SKIC2: variants seen among roughly 807,000 people sequenced by gnomAD.
The protein encoded by SKIC2 is SKI2 subunit of superkiller complex.
At chr6:31,967,518 C>T in the SKIC2 span, 1 of 798,016 alleles carries the variant, frequency 1.3e-6, no homozygotes, top group Non-Finnish European at 2.1e-6. The surrounding 1 kb of genome is among the most constrained non-coding windows in gnomAD (Gnocchi z 4.9). Context: ...CTCTCCCTTC[C>T]CATCACCACA....
chr6:31,962,619 G>A, the SKIC2 span: 4 of 1,609,588 alleles, frequency 2.5e-6, no homozygotes, highest in Non-Finnish European at 3.4e-6. The surrounding 1 kb of genome is among the most constrained non-coding windows in gnomAD (Gnocchi z 5.0). Context: ...GGGGAGTTTT[G>A]GCTGGGAAGA....
the SKIC2 span, chr6:31,961,702 C>G: frequency 6.2e-7 from 1 of 1,603,852 alleles, no homozygotes; most frequent in Non-Finnish European, 8.5e-7. Flanking sequence ...TTCACACGCT[C>G]CTCTACCTCT....
the SKIC2 span, chr6:31,964,038 C>T: frequency 6.2e-7 from 1 of 1,612,724 alleles, no homozygotes; most frequent in East Asian, 2.2e-5. The surrounding 1 kb of genome is among the most constrained non-coding windows in gnomAD (Gnocchi z 5.0). Context: ...CCCTTGACCT[C>T]ACCACCAGTT....
chr6:31,965,275 G>A, the SKIC2 span, among the ~76,000 whole-genome samples: 1 of 152,202 alleles, frequency 6.6e-6, no homozygotes, highest in Non-Finnish European at 1.5e-5. This position sits in a 1 kb window ranked among gnomAD's most constrained non-coding sequence, Gnocchi z 5.6. Flanking sequence ...GGTAGTACCA[G>A]GGTGCCCTTC....
At chr6:31,962,457 C>T in the SKIC2 span, 4 of 1,614,142 alleles carry the variant, frequency 2.5e-6, no homozygotes, top group Non-Finnish European at 8.5e-7. This position sits in a 1 kb window ranked among gnomAD's most constrained non-coding sequence, Gnocchi z 5.0. Context: ...ACACTTCGCC[C>T]ATCAAGGCCC....
the SKIC2 span, chr6:31,962,952 C>G: frequency 6.5e-7 from 1 of 1,539,674 alleles, no homozygotes; most frequent in Non-Finnish European, 9.0e-7. The surrounding 1 kb of genome is among the most constrained non-coding windows in gnomAD (Gnocchi z 5.0). Context: ...GGCCCCTGCC[C>G]TCATGTGACC....
At chr6:31,969,038 C>T in the SKIC2 span, 3 of 1,612,454 alleles carry the variant, frequency 1.9e-6, no homozygotes, top group Non-Finnish European at 2.5e-6. This position sits in a 1 kb window ranked among gnomAD's most constrained non-coding sequence, Gnocchi z 6.1. Flanking sequence ...CTGGCCTGGT[C>T]TGCCAGAGCC....
chr6:31,960,977 TATATA>T, the SKIC2 span: 1 of 1,214,562 alleles, frequency 8.2e-7, no homozygotes, highest in African/African-American at 1.5e-5. Flanking sequence ...CTTTTAGGTT[TATATA>T]ATGTACACAA....
the SKIC2 span, chr6:31,962,905 C>A: frequency 1.5e-6 from 2 of 1,327,022 alleles, no homozygotes; most frequent in South Asian, 1.2e-5. The surrounding 1 kb of genome is among the most constrained non-coding windows in gnomAD (Gnocchi z 5.0). Flanking sequence ...TCTTTACCCC[C>A]ATATGGAATC....
chr6:31,969,103 C>T, the SKIC2 span: 10 of 1,603,476 alleles, frequency 6.2e-6, no homozygotes, highest in Non-Finnish European at 8.5e-6. This position sits in a 1 kb window ranked among gnomAD's most constrained non-coding sequence, Gnocchi z 6.1. Context: ...GGGGACACCA[C>T]CCCTTTCTCC....
chr6:31,966,852 G>A, the SKIC2 span: 1 of 1,614,164 alleles, frequency 6.2e-7, no homozygotes, highest in South Asian at 1.1e-5. This position sits in a 1 kb window ranked among gnomAD's most constrained non-coding sequence, Gnocchi z 5.9. Flanking sequence ...GCAAGGTAAG[G>A]AGCCTGGGGT....
the SKIC2 span, chr6:31,960,885 C>A: frequency 1.2e-6 from 1 of 867,348 alleles, no homozygotes. Flanking sequence ...TGGGAAATTT[C>A]TACAACAACC....
chr6:31,963,237 T>A, the SKIC2 span: 1 of 810,746 alleles, frequency 1.2e-6, no homozygotes, highest in Admixed American at 2.7e-5. This position sits in a 1 kb window ranked among gnomAD's most constrained non-coding sequence, Gnocchi z 5.3. Context: ...GGCTGTGGGA[T>A]CCCCTTTGGG....
At chr6:31,959,940 C>T in the SKIC2 span, 7 of 1,109,788 alleles carry the variant, frequency 6.3e-6, no homozygotes, top group African/African-American at 7.7e-5. Flanking sequence ...AACACAAGTC[C>T]CATCATCTCT....
the SKIC2 span, chr6:31,962,688 G>A: frequency 6.2e-7 from 1 of 1,610,332 alleles, no homozygotes; most frequent in Non-Finnish European, 8.5e-7. This position sits in a 1 kb window ranked among gnomAD's most constrained non-coding sequence, Gnocchi z 5.0. Context: ...CCACTGGGGA[G>A]TCAATCCTTG....
chr6:31,959,275 G>C, the SKIC2 span: 1 of 1,608,344 alleles, frequency 6.2e-7, no homozygotes, highest in Non-Finnish European at 8.5e-7. Context: ...TTTGACCCCT[G>C]ACTTTTGACC....
chr6:31,964,402 C>T, the SKIC2 span: 1 of 1,258,534 alleles, frequency 7.9e-7, no homozygotes, highest in Non-Finnish European at 1.1e-6. This position sits in a 1 kb window ranked among gnomAD's most constrained non-coding sequence, Gnocchi z 5.0. Flanking sequence ...AGGGGCTGCC[C>T]AGAGGGCAGA....
chr6:31,966,202 C>T, the SKIC2 span, among the ~76,000 whole-genome samples: 1,866 of 152,190 alleles, frequency 0.012, 12 homozygotes, highest in African/African-American at 0.019. This position sits in a 1 kb window ranked among gnomAD's most constrained non-coding sequence, Gnocchi z 5.9. Context: ...CTCAAGGGAT[C>T]CTCCCACCTC....
chr6:31,959,262 A>G, the SKIC2 span: 1 of 1,607,312 alleles, frequency 6.2e-7, no homozygotes, highest in Non-Finnish European at 8.5e-7. Flanking sequence ...ATATGGAATG[A>G]ACTTTGACCC....
Sources: gnomAD v4.1 joint callset for allele counts (sites outside exome capture counted in the v4.1 genomes callset) on GRCh38, gnomAD v4.1.1 for gene constraint, Gnocchi (gnomAD v3.1) non-coding constraint, MANE v1.5 for transcripts, NCBI Gene and HGNC (gene_info 2026-07-23, HGNC 2026-07-21) for gene names.